Variants in ZNF804A observed in about 807,000 individuals in gnomAD.
ZNF804A encodes the protein zinc finger protein 804A.
In ZNF804A, 2 loss-of-function variants were observed where a neutral mutation model predicts 16.5. The observed-to-expected ratio is 0.12, with a 90% CI of 0.05 to 0.38. The LOEUF (loss-of-function observed/expected upper bound fraction) is 0.38. Among genes scored for constraint, ZNF804A ranks in the 10% least tolerant of loss-of-function variants. ZNF804A has a pLI of 0.99. For synonymous variants in ZNF804A, 534 were observed against 489.6 expected, an observed-to-expected ratio of 1.09 and a Z score of -1.20; for missense variants, 1,473 against 1,390.7, an observed-to-expected ratio of 1.06 and a Z score of -0.94.
intron 1 of ZNF804A, among the ~76,000 whole-genome samples, chr2:184,703,489 T>A (rs1051466257): frequency 2.0e-5 from 3 of 151,298 alleles, no homozygotes; most frequent in African/African-American, 7.3e-5. Context: ...GATCATGAGA[T>A]CAGGAGATCG....
intron 1 of ZNF804A, among the ~76,000 whole-genome samples, chr2:184,624,284 T>A (rs954381190): frequency 8.5e-5 from 13 of 152,138 alleles, no homozygotes; most frequent in Admixed American, 6.6e-4. Flanking sequence ...TTATGCTATA[T>A]TTTACCACAA....
intron 1 of ZNF804A, among the ~76,000 whole-genome samples, chr2:184,763,715 T>C (rs1694075757): frequency 7.6e-6 from 1 of 130,934 alleles, no homozygotes; most frequent in South Asian, 2.7e-4. Context: ...TGATCTTGGC[T>C]CACTGCAAGC....
At chr2:184,715,469 C>T (rs1693198760) in intron 1 of ZNF804A, among the ~76,000 whole-genome samples, 1 of 152,086 alleles carries the variant, frequency 6.6e-6, no homozygotes, top group Non-Finnish European at 1.5e-5. Context: ...TCACTGTTAC[C>T]TTGAATTCTG....
In ZNF804A at chr2:184,764,829, T is replaced by C. The variant is rs969781327; in HGVS notation, c.112-101540T>C. The stretch of plus-strand genomic sequence containing the variant: ...TATGAAAAAAATGATGTGCAAGTAA[T>C]TTATACTGTTTTTAATTTCTGAATG... On this transcript the variant is annotated intron_variant, in intron 1 of 3. Transcript: ENST00000302277. 1.1e-4 allele frequency among the ~76,000 whole-genome samples: 16 copies of C among 152,302 alleles called. No homozygotes were observed. The East Asian group carries it at 3.1e-3, about 29-fold the overall frequency.
At chr2:184,618,476 T>C (rs949317371) in intron 1 of ZNF804A, among the ~76,000 whole-genome samples, 2 of 152,264 alleles carry the variant, frequency 1.3e-5, no homozygotes, top group Non-Finnish European at 2.9e-5. Flanking sequence ...ATAAAAGATA[T>C]GATTTTGGTA....
Position 184,752,804 on chromosome 2 carries a change from G to A in ZNF804A, c.112-113565G>A, listed in dbSNP as rs1021893299. 7.9e-5 allele frequency among the ~76,000 whole-genome samples: 12 copies of A among 151,470 alleles called. No homozygotes were observed. In the South Asian group the frequency reaches 1.9e-3, roughly 24 times the overall value. On this transcript the variant is annotated intron_variant, in intron 1 of 3. Coordinates refer to ENST00000302277, the MANE Select transcript of ZNF804A (RefSeq NM_194250.2). ...ATGATCCAATTAAAAAATAGGAAAA[G>A]GATCTGAACAGACATTTTTCCAAAG...
intron 1 of ZNF804A, among the ~76,000 whole-genome samples, chr2:184,758,436 A>G (rs1693991093): frequency 6.6e-6 from 1 of 151,952 alleles, no homozygotes; most frequent in Non-Finnish European, 1.5e-5. Context: ...CAACAATTCT[A>G]TAAAGTAGAT....
chr2:184,741,176 A>G (rs1693703971), intron 1 of ZNF804A, among the ~76,000 whole-genome samples: 1 of 152,172 alleles, frequency 6.6e-6, no homozygotes. Flanking sequence ...CATTGAATTC[A>G]CTGAAAGCAG....
chr2:184,617,361 G>GT (rs1167448986), intron 1 of ZNF804A, among the ~76,000 whole-genome samples: 1 of 151,906 alleles, frequency 6.6e-6, no homozygotes, highest in Admixed American at 6.6e-5. Context: ...AATGTATGCT[G>GT]TTTTTTAAAA....
Position 184,936,776 on chromosome 2 carries a change from A to G in ZNF804A, c.1380A>G (p.Leu460=). Residue 460 remains leucine, a synonymous_variant, in exon 4 of 4, where the codon CTA becomes CTG. Transcript: ENST00000302277. The part of the protein sequence containing the change: ...KPSISYSCNP[L]CFDFKSTKVN... ...CAATTTCCTATAGCTGTAATCCTCT[A>G]TGTTTTGACTTCAAGTCTACTAAAG... The G allele has an allele frequency of 1.9e-6, 3 of 1,613,846 alleles. No individual in the cohort carries two copies. The highest frequency in any genetic ancestry group is 2.5e-6 in the Non-Finnish European group (3 of 1,179,884).
intron 1 of ZNF804A, among the ~76,000 whole-genome samples, chr2:184,711,170 CTTT>C (rs1399372193): frequency 6.6e-6 from 1 of 151,512 alleles, no homozygotes; most frequent in Non-Finnish European, 1.5e-5. Context: ...GCATTTTAAT[CTTT>C]TGTTTACTTT....
intron 1 of ZNF804A, among the ~76,000 whole-genome samples, chr2:184,611,822 G>A (rs953957166): frequency 1.3e-5 from 2 of 152,140 alleles, no homozygotes; most frequent in African/African-American, 2.4e-5. Context: ...CAACATAGGG[G>A]TGATGTGTTT....
At chr2:184,803,797 A>C (rs760408469) in intron 1 of ZNF804A, among the ~76,000 whole-genome samples, 5 of 151,496 alleles carry the variant, frequency 3.3e-5, no homozygotes, top group Non-Finnish European at 5.9e-5. Context: ...GCATTACTCC[A>C]ATCTGTGTAT....
At chr2:184,684,629 A>G (rs1374458492) in intron 1 of ZNF804A, among the ~76,000 whole-genome samples, 1 of 151,982 alleles carries the variant, frequency 6.6e-6, no homozygotes, top group African/African-American at 2.4e-5. Flanking sequence ...TGTTGTATGG[A>G]TATATTATGT....
chr2:184,744,435 A>C (rs994797858), intron 1 of ZNF804A, among the ~76,000 whole-genome samples: 2 of 151,894 alleles, frequency 1.3e-5, no homozygotes, highest in African/African-American at 4.8e-5. Flanking sequence ...TGCAACCCTC[A>C]TGAACAGGAT....
At chr2:184,758,712 A>G (rs910802261) in intron 1 of ZNF804A, among the ~76,000 whole-genome samples, 9 of 152,012 alleles carry the variant, frequency 5.9e-5, no homozygotes, top group African/African-American at 2.2e-4. Context: ...CTATATTATG[A>G]CATAACTAAT....
chr2:184,768,776 A>G (rs2105767381), intron 1 of ZNF804A, among the ~76,000 whole-genome samples: 1 of 152,198 alleles, frequency 6.6e-6, no homozygotes. Flanking sequence ...AAATTCACCA[A>G]AATAATTAAG....
At chr2:184,727,037 C>T (rs907399113) in intron 1 of ZNF804A, among the ~76,000 whole-genome samples, 1 of 151,494 alleles carries the variant, frequency 6.6e-6, no homozygotes, top group Non-Finnish European at 1.5e-5. Flanking sequence ...CCAAAGTAAA[C>T]CTTATCTATA....
chr2:184,936,491 G>A lies in ZNF804A; in HGVS notation c.1095G>A (p.Met365Ile). 1 of 1,613,882 alleles carries A rather than the reference G, an allele frequency of 6.2e-7. No homozygotes were observed. Among genetic ancestry groups the A allele is most frequent in the Admixed American group, 1.7e-5 (1 of 59,954 alleles). Residue 365 changes from methionine to isoleucine, a missense_variant, in exon 4 of 4, where the codon ATG becomes ATA. Transcript: ENST00000302277. ...GAAATAAATCCACAGTTCTTGACAT[G>A]TCTAATGATTGCATATCTGTGCAAG... is the stretch of plus-strand genomic sequence containing the variant. ...LLGNKSTVLD[M>I]SNDCISVQAT...
Sources: gnomAD v4.1 joint callset for allele counts (sites outside exome capture counted in the v4.1 genomes callset) on GRCh38, gnomAD v4.1.1 for gene constraint, MANE v1.5 for transcripts, NCBI Gene and HGNC (gene_info 2026-07-23, HGNC 2026-07-21) for gene names.